The following API5 variants were observed in gnomAD, a reference collection of about 807,000 sequenced individuals.
The protein encoded by API5 is apoptosis inhibitor 5.
Under a neutral mutation model 71.9 loss-of-function variants are expected in API5, and 6 were observed. The observed-to-expected ratio is 0.08, with a 90% confidence interval of 0.05 to 0.16. API5 has a LOEUF of 0.16. Ranked by LOEUF, API5 falls within the 10% of genes least tolerant of loss-of-function variation. API5 has a pLI of 1.00. For synonymous variants in API5, 189 were observed against 221.3 expected, an observed-to-expected ratio of 0.85 and a Z score of 1.30; for missense variants, 332 against 612.8, an observed-to-expected ratio of 0.54 and a Z score of 4.84.
At chr11:43,312,670 A>AG (rs1451030654) in intron 1 of API5, among the ~76,000 whole-genome samples, 2 of 152,108 alleles carry the variant, frequency 1.3e-5, no homozygotes, top group Admixed American at 1.3e-4. Flanking sequence ...GAAACAGAAG[A>AG]GGGACTCTTT....
intron 13 of API5, 26 bp downstream of exon 13, chr11:43,336,020 G>A (rs747218764): frequency 6.2e-7 from 1 of 1,608,484 alleles, no homozygotes; most frequent in Non-Finnish European, 8.5e-7. Context: ...TGGGTACAAG[G>A]AATATGAGAG....
rs533049068 is a variant in API5 at position 43,344,419 on chromosome 11, T to A, written c.*1909T>A. 1.3e-5 allele frequency: 2 copies of A among 152,650 alleles called. No homozygotes were observed. The highest frequency in any genetic ancestry group is 4.8e-5 in the African/African-American group (2 of 41,460). The allele number at this position is 152,650 out of a possible 1,614,324, so 9.5% of individuals were successfully genotyped here. ...GGTTATTTTTGCTTCCGAATTTGAA[T>A]GAAAAACTTAATGCCATGGATTTTT... On this transcript the variant is annotated 3_prime_UTR_variant, in exon 14 of 14. Transcript: ENST00000531273.
chr11:43,320,745 A>AT, intron 2 of API5, 76 bp from the exon 3 acceptor site: 8 of 1,214,616 alleles, frequency 6.6e-6, no homozygotes, highest in South Asian at 1.3e-5. Flanking sequence ...AAAAAAAAAA[A>AT]GAAAGAAAAG....
At chr11:43,320,314 G>A (rs894304426) in intron 2 of API5, among the ~76,000 whole-genome samples, 3 of 151,960 alleles carry the variant, frequency 2.0e-5, no homozygotes, top group Non-Finnish European at 2.9e-5. Flanking sequence ...AAAGTGCTGG[G>A]ATTACAGGTG....
chr11:43,328,406 T>TA (rs1207646192), intron 8 of API5, among the ~76,000 whole-genome samples: 1 of 152,232 alleles, frequency 6.6e-6, no homozygotes, highest in Non-Finnish European at 1.5e-5. Flanking sequence ...TTAACTTTGT[T>TA]ACCATGGGAA....
At chr11:43,341,753 G>T (rs552254528) in intron 13 of API5, among the ~76,000 whole-genome samples, 7 of 152,268 alleles carry the variant, frequency 4.6e-5, no homozygotes, top group African/African-American at 1.4e-4. Flanking sequence ...TGTTTGAGAT[G>T]ATGGATATGC....
intron 8 of API5, 46 bp downstream of exon 8, chr11:43,327,924 A>C: frequency 8.6e-7 from 1 of 1,168,328 alleles, no homozygotes; most frequent in Non-Finnish European, 1.2e-6. Flanking sequence ...TATATAGCTC[A>C]AAGTCTAATT....
intron 13 of API5, 23 bp downstream of exon 13, chr11:43,336,017 A>C (rs780487476): frequency 6.2e-7 from 1 of 1,612,132 alleles, no homozygotes; most frequent in Non-Finnish European, 8.5e-7. Context: ...GTTTGGGTAC[A>C]AGGAATATGA....
chr11:43,324,051 C>T (rs770606514), intron 6 of API5, among the ~76,000 whole-genome samples: 62 of 152,020 alleles, frequency 4.1e-4, no homozygotes, highest in Non-Finnish European at 7.2e-4. Context: ...AGAGTCTTGC[C>T]CTGTCACTCA....
chr11:43,338,681 T>C (rs893807441), intron 13 of API5, among the ~76,000 whole-genome samples: 1 of 129,588 alleles, frequency 7.7e-6, no homozygotes, highest in African/African-American at 2.8e-5. Context: ...CATTTGCCAA[T>C]ATAGAAAAGA....
At chr11:43,314,124 A>G (rs1168497903) in intron 1 of API5, among the ~76,000 whole-genome samples, 6 of 152,010 alleles carry the variant, frequency 3.9e-5, no homozygotes, top group Non-Finnish European at 5.9e-5. Flanking sequence ...GATACAAACT[A>G]TGTGTGGTCA....
chr11:43,315,673 A>G (rs141984904), intron 1 of API5, among the ~76,000 whole-genome samples: 41 of 152,204 alleles, frequency 2.7e-4, no homozygotes, highest in African/African-American at 9.6e-4. Flanking sequence ...TTCCAGTCCT[A>G]TCATCTTCTC....
chr11:43,324,039 A>T (rs1240276998), intron 6 of API5, among the ~76,000 whole-genome samples: 1 of 152,064 alleles, frequency 6.6e-6, no homozygotes, highest in Non-Finnish European at 1.5e-5. Flanking sequence ...TTCCTTTGAG[A>T]CAGAGTCTTG....
At chr11:43,322,623 C>T (rs555994066) in intron 5 of API5, among the ~76,000 whole-genome samples, 2 of 152,288 alleles carry the variant, frequency 1.3e-5, no homozygotes, top group Non-Finnish European at 1.5e-5. Context: ...TGGCAAGGTG[C>T]GTCACAATTA....
chr11:43,339,851 TTAAGA>T (rs1412613487), intron 13 of API5, among the ~76,000 whole-genome samples: 14 of 152,192 alleles, frequency 9.2e-5, no homozygotes, highest in Admixed American at 9.2e-4. Flanking sequence ...TATTGATAAT[TTAAGA>T]TATTTTTCAT....
At chr11:43,333,479 A>T (rs1425591683) in intron 11 of API5, among the ~76,000 whole-genome samples, 1 of 152,310 alleles carries the variant, frequency 6.6e-6, no homozygotes, top group Admixed American at 6.5e-5. Flanking sequence ...CTGAGGTGCT[A>T]AAAAGAATGA....
intron 11 of API5, among the ~76,000 whole-genome samples, chr11:43,334,499 A>G (rs1299757507): frequency 6.6e-6 from 1 of 152,144 alleles, no homozygotes; most frequent in Non-Finnish European, 1.5e-5. Context: ...ACGATTTTTT[A>G]TTAGTATACT....
At chr11:43,314,597 C>G (rs1026528076) in intron 1 of API5, among the ~76,000 whole-genome samples, 5 of 152,142 alleles carry the variant, frequency 3.3e-5, no homozygotes, top group African/African-American at 1.2e-4. Context: ...ACCACACACC[C>G]GGCTGGACAC....
rs753511052 is a variant in API5 at position 43,343,386 on chromosome 11, A to T, written c.*876A>T. 1 of 152,426 alleles carries T rather than the reference A, an allele frequency of 6.6e-6. No individual in the cohort carries two copies. The highest frequency in any genetic ancestry group is 1.5e-5 in the Non-Finnish European group (1 of 68,032). 9.4% of individuals were successfully genotyped at this position (152,426 alleles called of 1,614,324 possible). A position where few individuals can be genotyped will look rare whatever the true frequency, so the allele number is the denominator to read the frequency against. On this transcript the variant is annotated 3_prime_UTR_variant, in exon 14 of 14. Coordinates refer to ENST00000531273, the MANE Select transcript of API5 (RefSeq NM_001142930.2). ...GGGATTCTAAGTTAGTTGCACTTAC[A>T]TGATTATTGTTATTTAAAACTAAGA... is the stretch of plus-strand genomic sequence containing the variant.
Sources: allele counts gnomAD v4.1 joint callset (sites outside exome capture counted in the v4.1 genomes callset), GRCh38; gene constraint gnomAD v4.1.1; transcripts MANE v1.5; gene names NCBI Gene and HGNC (gene_info 2026-07-23, HGNC 2026-07-21).